The following CCDC3 variants were observed in gnomAD, a reference collection of about 807,000 sequenced individuals.
CCDC3 encodes coiled-coil domain-containing protein 3.
CCDC3 carries 24 observed loss-of-function variants against 21.4 expected under a neutral mutation model. The ratio of observed to expected loss-of-function variants is 1.12; its 90% CI spans 0.81 to 1.58. The LOEUF is 1.58. Among genes scored for constraint, CCDC3 ranks in the 40% most tolerant of loss-of-function variants. CCDC3 has a pLI of 0.00. For missense variants in CCDC3, 425 were observed against 360.9 expected (o/e 1.18, Z -1.44); for synonymous variants, 186 against 166.0 (o/e 1.12, Z -0.93).
chr10:12,910,375 C>T (rs1834249430), intron 2 of CCDC3, among the ~76,000 whole-genome samples: 1 of 152,160 alleles, frequency 6.6e-6, no homozygotes, highest in Non-Finnish European at 1.5e-5. Context: ...ATGTCGAATG[C>T]AGTTGCTGCT....
chr10:12,964,472 T>C (rs1230412243), intron 2 of CCDC3, among the ~76,000 whole-genome samples: 4 of 152,222 alleles, frequency 2.6e-5, no homozygotes, highest in African/African-American at 7.2e-5. Context: ...GTCTGTAGTT[T>C]ATGCCTGGAA....
At chr10:13,073,518 T>C (rs1030072784) in intron 4 of CCDC3, among the ~76,000 whole-genome samples, 1 of 152,124 alleles carries the variant, frequency 6.6e-6, no homozygotes, top group Non-Finnish European at 1.5e-5. Context: ...ACTTTTTTTT[T>C]TGAGACAGGA....
intron 2 of CCDC3, 47 bp downstream of exon 2, chr10:12,998,291 A>G (rs376808455): frequency 8.7e-5 from 138 of 1,584,150 alleles, no homozygotes; most frequent in Non-Finnish European, 1.2e-4. Flanking sequence ...CACAAGGTGT[A>G]GCTATACTAT....
At chr10:13,076,673 T>G (rs759929436) in intron 3 of CCDC3, among the ~76,000 whole-genome samples, 21 of 152,244 alleles carry the variant, frequency 1.4e-4, no homozygotes, top group Middle Eastern at 6.4e-3. Context: ...CCAAGATATC[T>G]GTGCTGGACA....
intron 5 of CCDC3, among the ~76,000 whole-genome samples, chr10:13,016,034 C>T (rs941914500): frequency 6.6e-6 from 1 of 151,768 alleles, no homozygotes; most frequent in Admixed American, 6.6e-5. Flanking sequence ...CACTGCATGC[C>T]TATATCAAAA....
At chr10:13,078,060 G>A (rs558924493) in intron 3 of CCDC3, among the ~76,000 whole-genome samples, 1 of 152,294 alleles carries the variant, frequency 6.6e-6, no homozygotes, top group South Asian at 2.1e-4. Flanking sequence ...ATTACCATCA[G>A]AGTGAACAGG....
At chr10:13,022,182 C>G (rs959066473) in intron 5 of CCDC3, among the ~76,000 whole-genome samples, 3 of 152,158 alleles carry the variant, frequency 2.0e-5, no homozygotes, top group Non-Finnish European at 2.9e-5. Flanking sequence ...AGTGAACAGA[C>G]GTCCTCCTCT....
At chr10:13,098,134 C>T (rs1217277095) in intron 3 of CCDC3, among the ~76,000 whole-genome samples, 3 of 151,914 alleles carry the variant, frequency 2.0e-5, no homozygotes, top group Non-Finnish European at 4.4e-5. Flanking sequence ...GCACCCCCCA[C>T]CCCGACCCCA....
In CCDC3 at chr10:12,898,580, G is replaced by C. The variant is rs769911224; in HGVS notation, c.649C>G (p.Leu217Val). The C allele has an allele frequency of 8.1e-6, 13 of 1,614,254 alleles. No homozygotes were observed. The highest frequency in any genetic ancestry group is 1.1e-5 in the Non-Finnish European group (13 of 1,180,048). The change falls in exon 3 of 3, where the codon CTC becomes GTC. Residue 217 changes from leucine (L) to valine (V), a missense_variant. Coordinates refer to ENST00000378825, the MANE Select transcript of CCDC3 (RefSeq NM_031455.4). ...TTGACCTTCTTCACTCGCTCCCGGA[G>C]CTGCCGGTTGCGCTTCTCCAGGGTG... ...VATLEKRNRQLRERVKKVKRS... is the reference protein window; with the variant it reads ...VATLEKRNRQVRERVKKVKRS...
intron 2 of CCDC3, among the ~76,000 whole-genome samples, chr10:12,989,594 G>C (rs1179322741): frequency 2.0e-5 from 3 of 151,978 alleles, no homozygotes; most frequent in Non-Finnish European, 2.9e-5. Context: ...GCTAATTTTT[G>C]TATTTTAGGT....
At chr10:13,092,891 T>A (rs995564580) in intron 3 of CCDC3, among the ~76,000 whole-genome samples, 11 of 152,238 alleles carry the variant, frequency 7.2e-5, no homozygotes, top group Admixed American at 2.6e-4. Context: ...GCAGGAACTC[T>A]GCCCGCAAAG....
At chr10:13,000,907 G>C (rs1835839190) in intron 1 of CCDC3, among the ~76,000 whole-genome samples, 1 of 152,200 alleles carries the variant, frequency 6.6e-6, no homozygotes, top group Non-Finnish European at 1.5e-5. Context: ...CCAAGTCAAA[G>C]GGACTGTTGG....
At chr10:13,062,769 G>C (rs111842479) in intron 4 of CCDC3, among the ~76,000 whole-genome samples, 1 of 152,064 alleles carries the variant, frequency 6.6e-6, no homozygotes, top group Non-Finnish European at 1.5e-5. Flanking sequence ...TAGAAATTAC[G>C]GTTTAGGAGT....
chr10:13,008,945 T>C (rs1468794795), intron 5 of CCDC3, among the ~76,000 whole-genome samples: 2 of 151,968 alleles, frequency 1.3e-5, no homozygotes, highest in African/African-American at 2.4e-5. Context: ...AATAATTCCA[T>C]AAAATAAAAT....
chr10:12,907,201 C>T (rs1174889240), intron 2 of CCDC3, among the ~76,000 whole-genome samples: 2 of 152,108 alleles, frequency 1.3e-5, no homozygotes, highest in Non-Finnish European at 2.9e-5. Context: ...GCAGTAAGCA[C>T]TTAATAAATG....
Position 13,034,557 on chromosome 10 carries a change from A to T in CCDC3, c.-2+15117T>A, listed in dbSNP as rs2782281. Among the ~76,000 whole-genome samples the T allele has an allele frequency of 3.7e-3, 569 of 151,958 alleles. 6 individuals carry two copies. Among genetic ancestry groups the T allele is most frequent in the African/African-American group, 0.013 (538 of 41,466 alleles). On this transcript the variant is annotated intron_variant, in intron 5 of 6. Coordinates refer to the CCDC3 transcript ENST00000378839. Reference sequence around the variant, plus strand: ...AAAAAAAAAATGGGTACATTTTTCCAAAAGTTTGGAAATAAACCAAAGTCA... The same window carrying T: ...AAAAAAAAAATGGGTACATTTTTCCTAAAGTTTGGAAATAAACCAAAGTCA...
chr10:12,906,023 TA>T (rs1325906000), intron 2 of CCDC3, among the ~76,000 whole-genome samples: 2 of 152,206 alleles, frequency 1.3e-5, no homozygotes, highest in African/African-American at 4.8e-5. Flanking sequence ...GCGTTTTCCA[TA>T]AACAGGTTGG....
At chr10:12,898,792 C>T in intron 2 of CCDC3, 113 bp from the exon 3 acceptor site, 18 of 1,267,226 alleles carry the variant, frequency 1.4e-5, no homozygotes, top group Non-Finnish European at 1.9e-5. Flanking sequence ...ACCCCGATTC[C>T]CCACCCCAGC....
intron 5 of CCDC3, among the ~76,000 whole-genome samples, chr10:13,012,563 A>G (rs1835996158): frequency 6.6e-6 from 1 of 152,140 alleles, no homozygotes; most frequent in Non-Finnish European, 1.5e-5. Context: ...GTTGTAGAGA[A>G]AAGAGAATGA....
Sources: allele counts gnomAD v4.1 joint callset (sites outside exome capture counted in the v4.1 genomes callset), GRCh38; gene constraint gnomAD v4.1.1; transcripts MANE v1.5; gene names NCBI Gene and HGNC (gene_info 2026-07-23, HGNC 2026-07-21).